PDE4D: variants seen among roughly 807,000 people sequenced by gnomAD.
PDE4D encodes phosphodiesterase 4D.
Under a neutral mutation model 87.4 loss-of-function variants are expected in PDE4D, and 24 were observed. That is an observed-to-expected ratio of 0.27 (90% CI 0.20 to 0.39). The LOEUF (loss-of-function observed/expected upper bound fraction) is 0.39, where lower values mean the gene tolerates loss of function less well. Among genes scored for constraint, PDE4D ranks in the 10% least tolerant of loss-of-function variants. The pLI is 1.00. For missense variants in PDE4D, 714 were observed against 1,041.0 expected (o/e 0.69, Z 4.32); for synonymous variants, 384 against 383.2 (o/e 1.00, Z -0.02).
In PDE4D at chr5:60,485,875, C is replaced by T. The variant is rs11746901; in HGVS notation, c.-90+2067G>A. ...TGATGGAAGTCCCAGAGGAAAGTAC[C>T]GATGCAAGACGTAAATACTCCTAGT... is the stretch of plus-strand genomic sequence containing the variant. On this transcript the variant is annotated intron_variant, in intron 1 of 16. Transcript: ENST00000502484. 7.4e-4 allele frequency among the ~76,000 whole-genome samples: 112 copies of T among 152,040 alleles called. 1 individual carries two copies. Among genetic ancestry groups the T allele is most frequent in the Non-Finnish European group, 1.5e-4 (10 of 68,006 alleles).
intron 1 of PDE4D, among the ~76,000 whole-genome samples, chr5:60,476,299 C>T (rs1036516554): frequency 1.3e-5 from 2 of 152,214 alleles, no homozygotes; most frequent in African/African-American, 4.8e-5. Context: ...TACTTCTCCA[C>T]AGGCTCGACT....
At chr5:59,060,530 TA>T (rs1762975521) in intron 5 of PDE4D, among the ~76,000 whole-genome samples, 1 of 152,160 alleles carries the variant, frequency 6.6e-6, no homozygotes, top group African/African-American at 2.4e-5. Flanking sequence ...AACATATCTA[TA>T]AAAATTTTTT....
chr5:59,420,305 T>A (rs1288834383), intron 1 of PDE4D, among the ~76,000 whole-genome samples: 1 of 152,112 alleles, frequency 6.6e-6, no homozygotes, highest in East Asian at 1.9e-4. Context: ...GAGAATCCAG[T>A]GTGGTAAGTA....
intron 1 of PDE4D, among the ~76,000 whole-genome samples, chr5:59,326,615 T>G (rs1775711282): frequency 6.6e-6 from 1 of 152,176 alleles, no homozygotes; most frequent in African/African-American, 2.4e-5. Flanking sequence ...GTATATGGGG[T>G]GTGCATTATA....
At chr5:59,720,527 G>T (rs1755676638) in intron 1 of PDE4D, among the ~76,000 whole-genome samples, 1 of 152,150 alleles carries the variant, frequency 6.6e-6, no homozygotes, top group South Asian at 2.1e-4. Context: ...GACCCCTCAG[G>T]TAAGGGTAAG....
chr5:60,459,051 C>T (rs1480117766), intron 1 of PDE4D, among the ~76,000 whole-genome samples: 1 of 151,860 alleles, frequency 6.6e-6, no homozygotes, highest in African/African-American at 2.4e-5. Context: ...AACAAAGCAA[C>T]TTGTACTTTT....
chr5:60,512,343 T>G (rs753147712), intron 1 of PDE4D, among the ~76,000 whole-genome samples: 1 of 152,214 alleles, frequency 6.6e-6, no homozygotes, highest in African/African-American at 2.4e-5. Context: ...CTTCCTAGAA[T>G]TGTTTTGATA....
intron 2 of PDE4D, among the ~76,000 whole-genome samples, chr5:60,150,649 C>A (rs1781427065): frequency 6.6e-6 from 1 of 152,086 alleles, no homozygotes; most frequent in African/African-American, 2.4e-5. Context: ...CATTATAAAA[C>A]CAGTTATTGA....
At chr5:60,142,537 A>G (rs935740790) in intron 2 of PDE4D, among the ~76,000 whole-genome samples, 2 of 152,172 alleles carry the variant, frequency 1.3e-5, no homozygotes, top group Non-Finnish European at 2.9e-5. Flanking sequence ...TGAGCCCTCT[A>G]TACTGGGTGG....
chr5:60,396,147 AG>A (rs940418432), intron 1 of PDE4D, among the ~76,000 whole-genome samples: 2 of 152,202 alleles, frequency 1.3e-5, no homozygotes, highest in Non-Finnish European at 2.9e-5. Flanking sequence ...ATAAAATAAC[AG>A]CTTTATCCAC....
chr5:59,275,827 A>ATGACC, intron 1 of PDE4D: 1 of 986,554 alleles, frequency 1.0e-6, no homozygotes, highest in Non-Finnish European at 1.2e-6. Context: ...GAAAAAGAAA[A>ATGACC]TGACCGGGAG....
At chr5:59,377,264 A>C (rs2591745) in intron 1 of PDE4D, among the ~76,000 whole-genome samples, 35,401 of 151,688 alleles carry the variant, frequency 0.23, 5,395 homozygotes, top group African/African-American at 0.43. Flanking sequence ...AAAAATACAA[A>C]AAATCAGCTG....
At chr5:60,047,438 T>C (rs1769426915) in intron 2 of PDE4D, among the ~76,000 whole-genome samples, 1 of 152,350 alleles carries the variant, frequency 6.6e-6, no homozygotes, top group Non-Finnish European at 1.5e-5. Flanking sequence ...CTTGCTTTTC[T>C]AGTTCTTTTA....
chr5:60,307,378 G>T lies in PDE4D; in HGVS notation c.-89-121691C>A, dbSNP rs189180714. ...TGACTAAAAGAGGTTTGATGCCAAA[G>T]ACACCAAAATATGTCTAGTGTAAGA... On this transcript the variant is annotated intron_variant, in intron 1 of 16. Transcript: ENST00000502484. Among the ~76,000 whole-genome samples, 103 of 152,236 alleles carry T rather than the reference G, an allele frequency of 6.8e-4. 1 individual carries two copies. The highest frequency in any genetic ancestry group is 2.4e-3 in the African/African-American group (101 of 41,552).
Position 59,781,166 on chromosome 5 carries a change from C to CAA in PDE4D, c.455+112000_455+112001dup, listed in dbSNP as rs11450737. 6.4e-3 allele frequency among the ~76,000 whole-genome samples: 442 copies of CAA among 68,642 alleles called. 7 individuals are homozygous for CAA. Among genetic ancestry groups the CAA allele is most frequent in the African/African-American group, 0.01 (161 of 15,606 alleles). The allele number at this position is 68,642 out of a possible 152,430, so 45.0% of individuals were successfully genotyped here. ...GGGTGACAAGAGTTAAACTCCTTCT[C>CAA]AAAAAAAAAAAAAAAAAAAAAGACG... On this transcript the variant is annotated intron_variant, in intron 1 of 14. Coordinates refer to ENST00000340635, the MANE Select transcript of PDE4D (RefSeq NM_001104631.2).
At chr5:59,676,017 A>C (rs1748015842) in intron 1 of PDE4D, among the ~76,000 whole-genome samples, 1 of 152,140 alleles carries the variant, frequency 6.6e-6, no homozygotes, top group African/African-American at 2.4e-5. Flanking sequence ...AAGAGATCAC[A>C]CTGTGACCTA....
intron 1 of PDE4D, among the ~76,000 whole-genome samples, chr5:60,410,742 C>T (rs1741977218): frequency 6.6e-6 from 1 of 152,180 alleles, no homozygotes; most frequent in Admixed American, 6.5e-5. Context: ...TTACAGCTGT[C>T]AAGTAACAGA....
At chr5:60,459,386 T>A (rs1221143990) in intron 1 of PDE4D, among the ~76,000 whole-genome samples, 1 of 152,184 alleles carries the variant, frequency 6.6e-6, no homozygotes, top group African/African-American at 2.4e-5. Context: ...TTTTGTTTTT[T>A]AGTTTTTTTC....
chr5:60,469,789 G>A (rs569433490), intron 1 of PDE4D, among the ~76,000 whole-genome samples: 1 of 152,274 alleles, frequency 6.6e-6, no homozygotes, highest in East Asian at 1.9e-4. Flanking sequence ...AATGAATAAT[G>A]TGTATTCTCT....
Sources: allele counts gnomAD v4.1 joint callset (sites outside exome capture counted in the v4.1 genomes callset), GRCh38; gene constraint gnomAD v4.1.1; transcripts MANE v1.5; gene names NCBI Gene and HGNC (gene_info 2026-07-23, HGNC 2026-07-21).